Variants in MEG3 observed in about 807,000 individuals in gnomAD.
The protein encoded by MEG3 is maternally expressed 3.
At chr14:100,835,796 C>T in exon 1 of MEG3, 1 of 186,136 alleles carries the variant, frequency 5.4e-6, no homozygotes, top group Non-Finnish European at 1.1e-5. Context: ...CAAGCATCCT[C>T]CAGTGCCTCC....
intron 3 of MEG3, chr14:100,847,507 G>A (rs1457866873): frequency 6.6e-6 from 1 of 152,216 alleles, no homozygotes; most frequent in Non-Finnish European, 1.5e-5. Flanking sequence ...TTAATGGGTG[G>A]TAAATAAAGA....
chr14:100,858,172 C>T (rs1343039711), exon 1 of MEG3: 1 of 152,756 alleles, frequency 6.5e-6, no homozygotes, highest in Non-Finnish European at 1.5e-5. Flanking sequence ...CCGGCTCACC[C>T]CTGCCAGCCC....
At chr14:100,853,087 A>G (rs7158663), upstream of MEG3, 64,838 of 152,222 alleles carry the variant, frequency 0.43, 15,347 homozygotes, top group East Asian at 0.75. Context: ...GAGATAAAAC[A>G]TCCTTCACGT....
In MEG3 at chr14:100,841,868, C is replaced by G. The variant is rs182055336; in HGVS notation, n.3046-3590C>G. Reference sequence around the variant, plus strand: ...AACCAGGAGATGTTCGTTCCCCCAACCCCCGTGGCTCACCTTGTGCCTTTT... The same window carrying G: ...AACCAGGAGATGTTCGTTCCCCCAAGCCCCGTGGCTCACCTTGTGCCTTTT... On this transcript the variant is annotated intron_variant and non_coding_transcript_variant, in intron 2 of 3. Coordinates refer to the MEG3 transcript ENST00000398461. Among the ~76,000 whole-genome samples the G allele has an allele frequency of 7.2e-5, 11 of 152,334 alleles. No individual in the cohort carries two copies. In the East Asian group the frequency reaches 1.9e-3, roughly 27 times the overall value.
chr14:100,851,980 T>C, intron 3 of MEG3: 1 of 198,416 alleles, frequency 5.0e-6, no homozygotes, highest in East Asian at 1.5e-4. Flanking sequence ...ACCTCTCAAT[T>C]CCTATTTGGG....
chr14:100,828,544 C>T (rs927819534), intron 1 of MEG3, among the ~76,000 whole-genome samples: 6 of 132,110 alleles, frequency 4.5e-5, no homozygotes, highest in African/African-American at 1.4e-4. Flanking sequence ...CCATACCCCT[C>T]CCTCTTCCCT....
downstream of MEG3, chr14:100,830,109 C>T (rs1486030491): frequency 1.3e-5 from 2 of 152,124 alleles, no homozygotes; most frequent in Non-Finnish European, 2.9e-5. Flanking sequence ...GCTGCCCTCA[C>T]CCCTTCTTCC....
intron 3 of MEG3, chr14:100,852,147 T>C: frequency 2.8e-6 from 1 of 359,312 alleles, no homozygotes; most frequent in Admixed American, 3.4e-5. Flanking sequence ...AGTGACTCTG[T>C]AGACGCTGGG....
exon 1 of MEG3, chr14:100,835,214 C>T (rs937695058): frequency 2.1e-5 from 4 of 191,960 alleles, no homozygotes; most frequent in East Asian, 2.9e-4. Flanking sequence ...CTGTTCTGGA[C>T]CCCTGGCCCT....
chr14:100,846,483 T>C (rs2037921152), intron 3 of MEG3: 1 of 152,270 alleles, frequency 6.6e-6, no homozygotes, highest in Admixed American at 6.5e-5. Context: ...GGGCTGTGTG[T>C]ACCTTGGTTG....
chr14:100,842,662 C>A (rs561851533), intron 2 of MEG3, among the ~76,000 whole-genome samples: 1 of 152,182 alleles, frequency 6.6e-6, no homozygotes. Flanking sequence ...AAAAGTCATC[C>A]TTTTAGGTCC....
intron 1 of MEG3, among the ~76,000 whole-genome samples, chr14:100,828,052 G>A (rs977546292): frequency 8.5e-5 from 13 of 152,110 alleles, no homozygotes; most frequent in Non-Finnish European, 1.5e-4. Flanking sequence ...GGCTCTGGCT[G>A]GTGGTGGCTG....
intron 3 of MEG3, chr14:100,846,914 T>G (rs896426522): frequency 6.6e-6 from 1 of 150,924 alleles, no homozygotes; most frequent in African/African-American, 2.5e-5. Context: ...AAGTGCAGAA[T>G]GAGACATAGA....
In MEG3 at chr14:100,837,782, A is replaced by G. The variant is rs1270394596; in HGVS notation, n.3045+1482A>G. 6.6e-6 allele frequency among the ~76,000 whole-genome samples: 1 copy of G among 152,062 alleles called. No individual in the cohort carries two copies. The highest frequency in any genetic ancestry group is 1.5e-5 in the Non-Finnish European group (1 of 68,016). On this transcript the variant is annotated intron_variant and non_coding_transcript_variant, in intron 2 of 3. Coordinates refer to the MEG3 transcript ENST00000398461. The surrounding 1 kb of genome is among the most constrained non-coding windows in gnomAD (Gnocchi z 5.8). ...CCCTGCACTTCTCCCCTGAAATTGAAATGGGATGGGGATATTATTTTTAAA... is the reference window on the plus strand; with the variant it reads ...CCCTGCACTTCTCCCCTGAAATTGAGATGGGATGGGGATATTATTTTTAAA...
chr14:100,848,666 G>C (rs2037985413), intron 3 of MEG3: 1 of 152,118 alleles, frequency 6.6e-6, no homozygotes, highest in Non-Finnish European at 1.5e-5. Context: ...GATGAAAGGG[G>C]ACTGGTTTAG....
intron 2 of MEG3, among the ~76,000 whole-genome samples, chr14:100,838,133 A>G (rs1484336409): frequency 6.6e-6 from 1 of 152,110 alleles, no homozygotes; most frequent in Non-Finnish European, 1.5e-5. Context: ...AACTGGTCTG[A>G]GCCAGATGCC....
At position 100,827,068 on chromosome 14, in the gene MEG3, G is replaced by C. The variant is rs753082417; in HGVS notation, n.372-1640G>C. ...GGGGGTGTGTTGCTGGGGTCTGGACGCTGGGAGCTGGGGATGGGGTGCCGC... is the reference window on the plus strand; with the variant it reads ...GGGGGTGTGTTGCTGGGGTCTGGACCCTGGGAGCTGGGGATGGGGTGCCGC... On this transcript the variant is annotated intron_variant and non_coding_transcript_variant, in intron 1 of 2. Transcript: ENST00000556407. Among the ~76,000 whole-genome samples, 10 of 152,072 alleles carry C rather than the reference G, an allele frequency of 6.6e-5. No homozygotes were observed. The South Asian group carries it at 8.3e-4, about 13-fold the overall frequency.
chr14:100,844,918 G>A (rs941951132), intron 2 of MEG3, among the ~76,000 whole-genome samples: 4 of 152,214 alleles, frequency 2.6e-5, no homozygotes, highest in African/African-American at 4.8e-5. Context: ...CTACTGCACT[G>A]TGAACAAAAT....
At chr14:100,852,648 C>G (rs552504324), upstream of MEG3, 5 of 290,924 alleles carry the variant, frequency 1.7e-5, no homozygotes, top group Non-Finnish European at 3.5e-5. Flanking sequence ...AGAAGAAGAC[C>G]GGGAGGGTCT....
Sources: gnomAD v4.1 joint callset for allele counts (sites outside exome capture counted in the v4.1 genomes callset) on GRCh38, gnomAD v4.1.1 for gene constraint, Gnocchi (gnomAD v3.1) non-coding constraint, MANE v1.5 for transcripts, NCBI Gene and HGNC (gene_info 2026-07-23, HGNC 2026-07-21) for gene names.